KANK1: variants seen among roughly 807,000 people sequenced by gnomAD.
The protein encoded by KANK1 is KN motif and ankyrin repeat domain-containing protein 1.
Under a neutral mutation model 106.2 loss-of-function variants are expected in KANK1, and 109 were observed. That is an observed-to-expected ratio of 1.03 (90% confidence interval 0.88 to 1.20). The LOEUF (loss-of-function observed/expected upper bound fraction) is 1.20, where lower values mean the gene tolerates loss of function less well. KANK1 is among the 50% of genes most tolerant of loss of function. The pLI is 0.00. For synonymous variants in KANK1, 873 were observed against 652.2 expected (o/e 1.34, Z -5.16); for missense variants, 2,399 against 1,710.7 (o/e 1.40, Z -7.10).
At chr9:593,238 A>G (rs888056369) in intron 1 of KANK1, among the ~76,000 whole-genome samples, 1 of 151,872 alleles carries the variant, frequency 6.6e-6, no homozygotes, top group Non-Finnish European at 1.5e-5. Flanking sequence ...ATGGATTATT[A>G]TTCTTTTCCT....
chr9:522,730 C>CTGGTATAGACTTTGGT (rs981804483), intron 1 of KANK1, among the ~76,000 whole-genome samples: 20 of 151,774 alleles, frequency 1.3e-4, no homozygotes, highest in Admixed American at 1.2e-3. Context: ...TTTGGTATCT[C>CTGGTATAGACTTTGGT]ATAGAATTCT....
intron 1 of KANK1, among the ~76,000 whole-genome samples, chr9:524,581 G>T (rs781427717): frequency 6.6e-6 from 1 of 151,490 alleles, no homozygotes; most frequent in East Asian, 1.9e-4. Context: ...GCAGTGCTGC[G>T]ATCTCAGCTC....
chr9:722,970 G>A (rs1467412135), intron 3 of KANK1, among the ~76,000 whole-genome samples: 1 of 152,198 alleles, frequency 6.6e-6, no homozygotes, highest in African/African-American at 2.4e-5. Flanking sequence ...AGACATCTCT[G>A]TGGAATGGTT....
At chr9:682,066 G>C (rs1817658045) in intron 2 of KANK1, among the ~76,000 whole-genome samples, 4 of 152,188 alleles carry the variant, frequency 2.6e-5, no homozygotes, top group African/African-American at 9.6e-5. Context: ...GATCACCTGA[G>C]GTCAGGAGCT....
chr9:566,575 C>T (rs1817863554), intron 1 of KANK1, among the ~76,000 whole-genome samples: 1 of 152,112 alleles, frequency 6.6e-6, no homozygotes, highest in Non-Finnish European at 1.5e-5. Flanking sequence ...ATGGTATCTC[C>T]TTGTGGTTGT....
chr9:540,256 T>C (rs1375918728), intron 1 of KANK1, among the ~76,000 whole-genome samples: 4 of 152,264 alleles, frequency 2.6e-5, no homozygotes, highest in Non-Finnish European at 5.9e-5. Context: ...TGTTGAATTC[T>C]TTCAAATGAT....
chr9:504,379 C>A (rs904042529), upstream of KANK1, among the ~76,000 whole-genome samples: 1 of 151,840 alleles, frequency 6.6e-6, no homozygotes, highest in Non-Finnish European at 1.5e-5. Flanking sequence ...CACGAAGGTG[C>A]CCCGCGGGCC....
intron 1 of KANK1, among the ~76,000 whole-genome samples, chr9:634,763 G>T (rs1447770370): frequency 6.6e-6 from 1 of 152,292 alleles, no homozygotes; most frequent in South Asian, 2.1e-4. Flanking sequence ...AAGCAAGATG[G>T]AGTTGAACCA....
Position 673,200 on chromosome 9 carries a change from C to CTTTTTTT in KANK1, c.-83-3670_-83-3664dup, listed in dbSNP as rs542647158. Among the ~76,000 whole-genome samples, 3 of 97,854 alleles carry CTTTTTTT rather than the reference C, an allele frequency of 3.1e-5. 1 individual carries two copies. The highest frequency in any genetic ancestry group is 1.1e-4 in the African/African-American group (3 of 28,366). The allele number at this position is 97,854 out of a possible 152,430, so 64.2% of individuals were successfully genotyped here. A position where few individuals can be genotyped will look rare whatever the true frequency, so the allele number is the denominator to read the frequency against. ...GATTCACACCCAGTGACAGTGTCTT[C>CTTTTTTT]TTTTTTTTTTTTTTTTTTTTTTTTT... On this transcript the variant is annotated intron_variant, in intron 1 of 11. Coordinates refer to ENST00000382297, the MANE Select transcript of KANK1 (RefSeq NM_015158.5).
intron 2 of KANK1, among the ~76,000 whole-genome samples, chr9:696,580 G>A (rs530886630): frequency 6.6e-6 from 1 of 152,212 alleles, no homozygotes; most frequent in African/African-American, 2.4e-5. Flanking sequence ...AATGAGCAAA[G>A]ATAGATAAGC....
chr9:691,183 A>G (rs1466103570), intron 2 of KANK1, among the ~76,000 whole-genome samples: 1 of 152,174 alleles, frequency 6.6e-6, no homozygotes, highest in African/African-American at 2.4e-5. Context: ...ACCTTCACAG[A>G]AGCACAGAGG....
At chr9:533,690 GTC>G (rs2060167017) in intron 1 of KANK1, among the ~76,000 whole-genome samples, 1 of 152,204 alleles carries the variant, frequency 6.6e-6, no homozygotes, top group Admixed American at 6.5e-5. Flanking sequence ...TGGAGGCCCA[GTC>G]TGTCAAAACT....
chr9:710,962 A>G lies in KANK1; in HGVS notation c.196A>G (p.Arg66Gly), dbSNP rs1283924834. 9 of 1,614,090 alleles carry G rather than the reference A, an allele frequency of 5.6e-6. No homozygotes were observed. In the Admixed American group the frequency reaches 6.7e-5, roughly 12 times the overall value. The change falls in exon 3 of 12, where the codon AGG (arginine) becomes GGG (glycine). Residue 66 changes from arginine (R) to glycine (G), a missense_variant. Physicochemically the swap from Arg to Gly is moderately radical, Grantham distance 125 (BLOSUM62 -2). Coordinates refer to ENST00000382297, the MANE Select transcript of KANK1 (RefSeq NM_015158.5). ...NTIKRLNIQK[R>G]RKPSVPCPEP... ...CATCAAAAGACTGAACATCCAGAAG[A>G]GGCGGAAGCCGTCCGTGCCATGCCC...
At position 609,188 on chromosome 9, in the gene KANK1, A is replaced by G. The variant is rs957811370; in HGVS notation, c.-83-67702A>G. On this transcript the variant is annotated intron_variant, in intron 1 of 11. Transcript: ENST00000382297. Reference sequence around the variant, plus strand: ...TTATTTACCACATTATTAAACTGCTAATTGCAGTGGTGTTTTTATAATGCC... The same window carrying G: ...TTATTTACCACATTATTAAACTGCTGATTGCAGTGGTGTTTTTATAATGCC... Among the ~76,000 whole-genome samples, 4 of 152,176 alleles carry G rather than the reference A, an allele frequency of 2.6e-5. No homozygotes were observed. In the South Asian group the frequency reaches 8.3e-4, roughly 32 times the overall value.
At chr9:491,011 G>A (rs543046334) in intron 3 of KANK1, among the ~76,000 whole-genome samples, 27 of 146,078 alleles carry the variant, frequency 1.8e-4, no homozygotes, top group African/African-American at 5.4e-4. Flanking sequence ...CTAGGCTGGC[G>A]TGCAGTGGTA....
At chr9:614,572 G>T (rs62530060) in intron 1 of KANK1, among the ~76,000 whole-genome samples, 2,757 of 152,168 alleles carry the variant, frequency 0.018, 37 homozygotes, top group Non-Finnish European at 0.028. Context: ...TCATTGTGTG[G>T]GACTGTCTCG....
At chr9:495,801 A>T (rs1197755455) in intron 3 of KANK1, among the ~76,000 whole-genome samples, 1 of 152,186 alleles carries the variant, frequency 6.6e-6, no homozygotes, top group African/African-American at 2.4e-5. Flanking sequence ...GTCTGATGAA[A>T]AGGCTCTGAG....
intron 3 of KANK1, among the ~76,000 whole-genome samples, chr9:715,944 C>T (rs1021276338): frequency 6.6e-6 from 1 of 152,282 alleles, no homozygotes; most frequent in East Asian, 1.9e-4. Context: ...ATCCAGGTGG[C>T]CCAGGGTGCA....
intron 1 of KANK1, among the ~76,000 whole-genome samples, chr9:557,441 G>T (rs2061665853): frequency 6.6e-6 from 1 of 152,070 alleles, no homozygotes; most frequent in African/African-American, 2.4e-5. Context: ...TAAAAATTTA[G>T]AACAAAAATG....
Sources: gnomAD v4.1 joint callset for allele counts (sites outside exome capture counted in the v4.1 genomes callset) on GRCh38, gnomAD v4.1.1 for gene constraint, MANE v1.5 for transcripts, NCBI Gene and HGNC (gene_info 2026-07-23, HGNC 2026-07-21) for gene names.